The following TUBGCP3 variants were observed in gnomAD, a reference collection of about 807,000 sequenced individuals.
TUBGCP3 encodes the protein tubulin gamma complex component 3, also known as gamma-tubulin complex component 3.
In TUBGCP3, 50 loss-of-function variants were observed where a neutral mutation model predicts 123.1. That is an observed-to-expected ratio of 0.41 (90% CI 0.32 to 0.51). TUBGCP3 has a LOEUF of 0.51. Ranked by LOEUF, TUBGCP3 falls within the 20% of genes least tolerant of loss-of-function variation. The pLI is 0.36. For synonymous variants in TUBGCP3, 405 were observed against 413.9 expected, an observed-to-expected ratio of 0.98 and a Z score of 0.26; for missense variants, 882 against 1,127.0, an observed-to-expected ratio of 0.78 and a Z score of 3.11.
At chr13:112,559,587 T>C (rs1419483397) in intron 3 of TUBGCP3, among the ~76,000 whole-genome samples, 188 bp from the exon 4 acceptor site, 1 of 152,208 alleles carries the variant, frequency 6.6e-6, no homozygotes, top group Non-Finnish European at 1.5e-5. Flanking sequence ...AATGTCCTCA[T>C]GCAACCAACA....
chr13:112,513,957 A>G (rs1875852879), intron 17 of TUBGCP3, among the ~76,000 whole-genome samples: 1 of 152,140 alleles, frequency 6.6e-6, no homozygotes, highest in African/African-American at 2.4e-5. Context: ...TCCTGCTCCA[A>G]CCTAGCCAGG....
chr13:112,532,527 G>A (rs1026181884), intron 11 of TUBGCP3, among the ~76,000 whole-genome samples: 3 of 152,144 alleles, frequency 2.0e-5, no homozygotes, highest in African/African-American at 7.2e-5. Context: ...ACTATCCAAA[G>A]GGCAAATGGA....
chr13:112,599,593 G>A, the TUBGCP3 span, among the ~76,000 whole-genome samples: 4 of 151,984 alleles, frequency 2.6e-5, no homozygotes, highest in Non-Finnish European at 5.9e-5. Context: ...TGTAACCTCC[G>A]CCTCCCAGGT....
the TUBGCP3 span, among the ~76,000 whole-genome samples, chr13:112,598,672 C>T: frequency 5.3e-5 from 8 of 152,020 alleles, no homozygotes; most frequent in Non-Finnish European, 1.2e-4. Context: ...TCGCCGGGTA[C>T]GGTGGCTCAT....
At chr13:112,553,760 G>GC (rs1199763251) in intron 8 of TUBGCP3, among the ~76,000 whole-genome samples, 1 of 152,218 alleles carries the variant, frequency 6.6e-6, no homozygotes. Context: ...GCTGGGCAGG[G>GC]CCCCCTTCGA....
intron 2 of TUBGCP3, among the ~76,000 whole-genome samples, chr13:112,565,580 A>C (rs1398476806): frequency 6.6e-6 from 1 of 152,234 alleles, no homozygotes. Flanking sequence ...CAGTAAGTTA[A>C]GTACAATATT....
At chr13:112,487,625 G>A (rs1312344817) in intron 21 of TUBGCP3, among the ~76,000 whole-genome samples, 2 of 152,066 alleles carry the variant, frequency 1.3e-5, no homozygotes, top group Non-Finnish European at 2.9e-5. Flanking sequence ...TAAGAAACAG[G>A]AATACATACT....
chr13:112,538,660 T>C (rs563552635), intron 11 of TUBGCP3, among the ~76,000 whole-genome samples: 59 of 152,334 alleles, frequency 3.9e-4, no homozygotes, highest in African/African-American at 1.3e-3. Context: ...TCTATCTCTT[T>C]ATTGATATTT....
chr13:112,594,425 C>G, the TUBGCP3 span, among the ~76,000 whole-genome samples: 1 of 152,208 alleles, frequency 6.6e-6, no homozygotes, highest in Admixed American at 6.5e-5. Flanking sequence ...CCAACCCTTT[C>G]ATAATAAAAA....
rs17121268 is a variant in TUBGCP3 at position 112,568,777 on chromosome 13, C to G, written c.184+375G>C. ...TGGAAAAACCACCTTTCAAACAGGACAGCTCATGTGTGGCGGCTCATTACT... is the reference window on the plus strand; with the variant it reads ...TGGAAAAACCACCTTTCAAACAGGAGAGCTCATGTGTGGCGGCTCATTACT... On this transcript the variant is annotated intron_variant, in intron 2 of 21. Transcript: ENST00000261965. 2.6e-3 allele frequency among the ~76,000 whole-genome samples: 403 copies of G among 152,356 alleles called. 3 individuals carry two copies. Among genetic ancestry groups the G allele is most frequent in the African/African-American group, 9.3e-3 (385 of 41,584 alleles).
chr13:112,578,359 A>C (rs947611630), intron 1 of TUBGCP3, among the ~76,000 whole-genome samples: 3 of 151,318 alleles, frequency 2.0e-5, no homozygotes, highest in Admixed American at 1.3e-4. Flanking sequence ...GGAGATCGAG[A>C]CCATCCTGGC....
At chr13:112,522,097 T>A (rs1876673622) in intron 14 of TUBGCP3, among the ~76,000 whole-genome samples, 1 of 152,208 alleles carries the variant, frequency 6.6e-6, no homozygotes. Context: ...GTTTCTCTTA[T>A]GAATAAAGCA....
intron 11 of TUBGCP3, among the ~76,000 whole-genome samples, chr13:112,536,531 G>A (rs1483736039): frequency 6.6e-6 from 1 of 151,932 alleles, no homozygotes; most frequent in African/African-American, 2.4e-5. Context: ...TTTTTACTAT[G>A]TATTTAACTT....
chr13:112,493,487 C>G (rs1229841294), intron 20 of TUBGCP3, among the ~76,000 whole-genome samples: 37 of 124,480 alleles, frequency 3.0e-4, no homozygotes, highest in East Asian at 7.6e-4. Context: ...GGCCTGGTGT[C>G]CCTGAGACGC....
At chr13:112,557,825 G>T (rs1375982269) in intron 5 of TUBGCP3, among the ~76,000 whole-genome samples, 1 of 152,170 alleles carries the variant, frequency 6.6e-6, no homozygotes. Flanking sequence ...AGAATCCAAT[G>T]AGGAGAAAAA....
intron 1 of TUBGCP3, among the ~76,000 whole-genome samples, chr13:112,570,359 C>G (rs1881303587): frequency 6.6e-6 from 1 of 152,130 alleles, no homozygotes; most frequent in Non-Finnish European, 1.5e-5. Flanking sequence ...AGAGATAGTG[C>G]AGATCTGGTT....
In TUBGCP3 at chr13:112,519,000, T is replaced by TA; in HGVS notation, c.1924dup (p.Tyr642LeufsTer4). 1 of 1,614,086 alleles carries TA rather than the reference T, an allele frequency of 6.2e-7. No individual in the cohort carries two copies. The highest frequency in any genetic ancestry group is 8.5e-7 in the Non-Finnish European group (1 of 1,179,914). ...AGTTGCAATTGGTCCGTCAACATGA[T>TA]AATCGAGGCTGAAGACATCCCATCC... On this transcript the variant is annotated frameshift_variant, in exon 16 of 22. Transcript: ENST00000261965. LOFTEE classifies it high-confidence loss of function.
chr13:112,515,136 A>G (rs1167728090), intron 17 of TUBGCP3, among the ~76,000 whole-genome samples: 5 of 152,246 alleles, frequency 3.3e-5, no homozygotes, highest in Non-Finnish European at 7.3e-5. Context: ...AACAAAACTC[A>G]TTATTGATAT....
In TUBGCP3 at chr13:112,504,705, C is replaced by G; in HGVS notation, c.2096G>C (p.Gly699Ala). The G allele has an allele frequency of 6.2e-7, 1 of 1,613,294 alleles. No homozygotes were observed. Among genetic ancestry groups the G allele is most frequent in the Non-Finnish European group, 8.5e-7 (1 of 1,179,578 alleles). The change falls in exon 18 of 22, where the codon GGG becomes GCG. Residue 699 changes from glycine to alanine, a missense_variant. This residue lies in a region of TUBGCP3 where 713 missense variants were observed against 874.0 expected (regional missense o/e 0.82). Coordinates refer to ENST00000261965, the MANE Select transcript of TUBGCP3 (RefSeq NM_006322.6). ...KLLRNMPEFS[G>A]VLHQCHILAS... ...CAAAATGTGACACTGGTGCAGCACC[C>G]CGGAGAACTCTGCAAGGGAAGAGTT...
Sources: allele counts gnomAD v4.1 joint callset (sites outside exome capture counted in the v4.1 genomes callset), GRCh38; gene constraint gnomAD v4.1.1; regional missense constraint gnomAD v4.1.1; transcripts MANE v1.5; gene names NCBI Gene and HGNC (gene_info 2026-07-23, HGNC 2026-07-21).